The following MAD1L1 variants were observed in gnomAD, a reference collection of about 807,000 sequenced individuals.
The protein encoded by MAD1L1 is mitotic spindle assembly checkpoint protein MAD1.
Under a neutral mutation model 96.9 loss-of-function variants are expected in MAD1L1, and 95 were observed. The observed-to-expected ratio is 0.98, with a 90% CI of 0.83 to 1.16. The LOEUF is 1.16. Among genes scored for constraint, MAD1L1 ranks in the 50% most tolerant of loss-of-function variants. The probability of loss-of-function intolerance (pLI) is 0.00; values close to 1 mark genes in which losing one functional copy is unlikely to be tolerated. For synonymous variants in MAD1L1, 473 were observed against 396.6 expected (o/e 1.19, Z -2.29); for missense variants, 1,007 against 954.4 (o/e 1.06, Z -0.73).
intron 14 of MAD1L1, among the ~76,000 whole-genome samples, chr7:1,996,133 C>T (rs1317515766): frequency 2.6e-5 from 4 of 152,110 alleles, no homozygotes; most frequent in East Asian, 1.9e-4. Context: ...TGCCGGTCTA[C>T]ACACAGCTCC....
chr7:1,847,780 T>C (rs1469266802), intron 18 of MAD1L1: 1 of 452,672 alleles, frequency 2.2e-6, no homozygotes, highest in South Asian at 1.6e-5. Context: ...TGTACAAGAA[T>C]GAACGAATCG....
intron 10 of MAD1L1, among the ~76,000 whole-genome samples, chr7:2,199,264 TA>T (rs1792156361): frequency 6.6e-6 from 1 of 152,270 alleles, no homozygotes; most frequent in Non-Finnish European, 1.5e-5. Context: ...TTGGCCTTTT[TA>T]AATGTTGGCA....
In MAD1L1 at chr7:2,213,256, C is replaced by T; in HGVS notation, c.942G>A (p.Leu314=). The change falls in exon 10 of 19, where the codon CTG becomes CTA. Residue 314 remains leucine (L), a synonymous_variant. Coordinates refer to ENST00000265854, the MANE Select transcript of MAD1L1 (RefSeq NM_001013836.2). ...ELENERLLAK[L]QSWERLDQTM... ...TCTGGTCCAGTCTCTCCCAGCTTTG[C>T]AGCTTGGCCAGCAGCCTCTGAAAAG... is the stretch of plus-strand genomic sequence containing the variant. 1.2e-6 allele frequency: 2 copies of T among 1,614,140 alleles called. No homozygotes were observed. The highest frequency in any genetic ancestry group is 1.1e-5 in the South Asian group (1 of 91,088).
chr7:1,916,655 C>T (rs1788416547), intron 17 of MAD1L1, among the ~76,000 whole-genome samples: 1 of 152,162 alleles, frequency 6.6e-6, no homozygotes. Flanking sequence ...CAGGCCAGGC[C>T]TGGGGGATGA....
chr7:2,109,587 A>G lies in MAD1L1; in HGVS notation c.1073+39565T>C, dbSNP rs574300644. On this transcript the variant is annotated intron_variant, in intron 11 of 18. Coordinates refer to ENST00000265854, the MANE Select transcript of MAD1L1 (RefSeq NM_001013836.2). ...TCAGCTTTAGGGACTACATCAGAAG[A>G]CTTCCCCACAATCCAAGATTGTCAA... 2.6e-5 allele frequency: 4 copies of G among 152,312 alleles called. No homozygotes were observed. The South Asian group carries it at 8.3e-4, about 32-fold the overall frequency. The allele number at this position is 152,312 out of a possible 1,614,324, so 9.4% of individuals were successfully genotyped here. A position where few individuals can be genotyped will look rare whatever the true frequency, so the allele number is the denominator to read the frequency against.
chr7:2,123,112 G>A (rs551673286), intron 11 of MAD1L1, among the ~76,000 whole-genome samples: 1 of 152,208 alleles, frequency 6.6e-6, no homozygotes, highest in East Asian at 1.9e-4. Context: ...GACCATCCTG[G>A]CTAATGTGGT....
chr7:2,071,801 A>G (rs1321077439), intron 11 of MAD1L1, among the ~76,000 whole-genome samples: 1 of 151,806 alleles, frequency 6.6e-6, no homozygotes, highest in Non-Finnish European at 1.5e-5. Flanking sequence ...AAGGTTTTCC[A>G]CCAGAGCTAG....
At chr7:1,950,320 G>A (rs1202393615) in intron 16 of MAD1L1, among the ~76,000 whole-genome samples, 2 of 152,158 alleles carry the variant, frequency 1.3e-5, no homozygotes, top group African/African-American at 4.8e-5. Context: ...CCGTCTGTCC[G>A]TCCGTCCAGT....
intron 11 of MAD1L1, among the ~76,000 whole-genome samples, chr7:2,127,552 A>T (rs908571228): frequency 1.3e-5 from 2 of 152,152 alleles, no homozygotes; most frequent in Non-Finnish European, 2.9e-5. Context: ...AGACGTCAGG[A>T]ACCTGGTGTA....
intron 10 of MAD1L1, among the ~76,000 whole-genome samples, chr7:2,191,742 A>T (rs1334985331): frequency 6.6e-6 from 1 of 151,872 alleles, no homozygotes; most frequent in Non-Finnish European, 1.5e-5. Flanking sequence ...AAAAAATTAA[A>T]AAAAATTAAG....
intron 16 of MAD1L1, among the ~76,000 whole-genome samples, chr7:1,941,424 T>C (rs1056947596): frequency 2.0e-5 from 3 of 152,138 alleles, no homozygotes; most frequent in African/African-American, 7.2e-5. Context: ...CCCAAGCCAG[T>C]AGAGATGAAG....
chr7:2,155,146 T>C (rs1416227107), intron 10 of MAD1L1, among the ~76,000 whole-genome samples: 1 of 151,974 alleles, frequency 6.6e-6, no homozygotes, highest in Non-Finnish European at 1.5e-5. Flanking sequence ...GACTGGACCC[T>C]CCAAAAGGAC....
At chr7:2,037,846 T>C (rs1454040263) in intron 12 of MAD1L1, among the ~76,000 whole-genome samples, 3 of 152,086 alleles carry the variant, frequency 2.0e-5, no homozygotes, top group Non-Finnish European at 4.4e-5. Flanking sequence ...TTAATAACCC[T>C]ACAACAGCCT....
rs574291285 is a variant in MAD1L1, at chr7:1,995,227, C to T, written c.1416+6838G>A. Among the ~76,000 whole-genome samples, 564 of 152,270 alleles carry T rather than the reference C, an allele frequency of 3.7e-3. 2 individuals are homozygous for T. The highest frequency in any genetic ancestry group is 4.7e-3 in the Non-Finnish European group (319 of 68,022). ...TGTGGAGAAGCCTCGGGGGGCACCT[C>T]GGGGCACGCACTGAGGATGAGGCTG... On this transcript the variant is annotated intron_variant, in intron 14 of 18. Coordinates refer to ENST00000265854, the MANE Select transcript of MAD1L1 (RefSeq NM_001013836.2).
chr7:1,960,250 G>GAAAAAAAAAAAA (rs55800455), intron 15 of MAD1L1, among the ~76,000 whole-genome samples: 1 of 128,766 alleles, frequency 7.8e-6, no homozygotes, highest in Non-Finnish European at 1.7e-5. Context: ...AAGGTAAAAA[G>GAAAAAAAAAAAA]AAAAAAAAAA....
rs1787883795 is a variant in MAD1L1, at chr7:2,119,683, C to T, written c.1073+29469G>A. On this transcript the variant is annotated intron_variant, in intron 11 of 18. Transcript: ENST00000265854. The surrounding 1 kb of genome is among the most constrained non-coding windows in gnomAD (Gnocchi z 4.6). ...GGGTAACCTGTGCTGAGTGACAATGCACCCCGAAACCCAGAGTGCTCCTGA... is the reference window on the plus strand; with the variant it reads ...GGGTAACCTGTGCTGAGTGACAATGTACCCCGAAACCCAGAGTGCTCCTGA... 6.6e-6 allele frequency among the ~76,000 whole-genome samples: 1 copy of T among 152,148 alleles called. No individual in the cohort carries two copies. Among genetic ancestry groups the T allele is most frequent in the South Asian group, 2.1e-4 (1 of 4,832 alleles).
At chr7:1,893,669 G>C (rs1212384338) in intron 18 of MAD1L1, among the ~76,000 whole-genome samples, 1 of 152,132 alleles carries the variant, frequency 6.6e-6, no homozygotes, top group Non-Finnish European at 1.5e-5. Flanking sequence ...TCAGCCCCCT[G>C]AGGATGCCTT....
At chr7:1,903,541 C>T (rs535658140) in intron 17 of MAD1L1, among the ~76,000 whole-genome samples, 28 of 138,420 alleles carry the variant, frequency 2.0e-4, no homozygotes, top group South Asian at 9.5e-4. Context: ...CTATGGAAGA[C>T]GCTCTTGCAG....
intron 10 of MAD1L1, among the ~76,000 whole-genome samples, chr7:2,156,502 G>T (rs1436254443): frequency 1.3e-5 from 2 of 152,016 alleles, no homozygotes; most frequent in Non-Finnish European, 2.9e-5. Flanking sequence ...ACTACTTCCG[G>T]AACTACCGAT....
Sources: allele counts gnomAD v4.1 joint callset (sites outside exome capture counted in the v4.1 genomes callset), GRCh38; gene constraint gnomAD v4.1.1; non-coding constraint Gnocchi (gnomAD v3.1); transcripts MANE v1.5; gene names NCBI Gene and HGNC (gene_info 2026-07-23, HGNC 2026-07-21).